CFAP20DC: variants seen among roughly 807,000 people sequenced by gnomAD.
CFAP20DC encodes the protein CFAP20 domain containing.
Under a neutral mutation model 101.7 loss-of-function variants are expected in CFAP20DC, and 84 were observed. The observed-to-expected ratio is 0.83, with a 90% confidence interval of 0.69 to 0.99. The LOEUF (loss-of-function observed/expected upper bound fraction) is 0.99, where lower values mean the gene tolerates loss of function less well. Ranked by LOEUF, CFAP20DC falls within the 50% of genes least tolerant of loss-of-function variation. CFAP20DC has a pLI of 0.00. For synonymous variants in CFAP20DC, 359 were observed against 351.2 expected (o/e 1.02, Z -0.25); for missense variants, 1,007 against 970.3 (o/e 1.04, Z -0.50).
At chr3:58,792,999 G>C (rs1368481489) in intron 15 of CFAP20DC, among the ~76,000 whole-genome samples, 1 of 152,120 alleles carries the variant, frequency 6.6e-6, no homozygotes, top group Non-Finnish European at 1.5e-5. Context: ...TTTTATAATA[G>C]ATGGTACCTT....
chr3:58,785,585 ACTAT>A (rs1355916460), intron 15 of CFAP20DC, among the ~76,000 whole-genome samples: 2 of 152,060 alleles, frequency 1.3e-5, no homozygotes, highest in Non-Finnish European at 2.9e-5. Flanking sequence ...CAGAAAAAAA[ACTAT>A]CTTTTTACCC....
intron 3 of CFAP20DC, among the ~76,000 whole-genome samples, chr3:58,723,359 T>A (rs186104220): frequency 6.6e-6 from 1 of 152,328 alleles, no homozygotes; most frequent in African/African-American, 2.4e-5. Flanking sequence ...ATTATACTTT[T>A]TAATGGAAAA....
At chr3:58,969,886 C>CT (rs954608030) in intron 4 of CFAP20DC, among the ~76,000 whole-genome samples, 8 of 152,036 alleles carry the variant, frequency 5.3e-5, no homozygotes, top group African/African-American at 1.9e-4. Flanking sequence ...AGAGTACCTG[C>CT]TAATGGGTAC....
chr3:58,841,495 G>C (rs1224168725), intron 13 of CFAP20DC, among the ~76,000 whole-genome samples: 10 of 152,156 alleles, frequency 6.6e-5, no homozygotes, highest in Admixed American at 5.9e-4. Flanking sequence ...TTAAAAATGT[G>C]ATGATATTCT....
chr3:59,034,267 C>G (rs2094051949), intron 4 of CFAP20DC, among the ~76,000 whole-genome samples: 1 of 152,178 alleles, frequency 6.6e-6, no homozygotes, highest in Non-Finnish European at 1.5e-5. Context: ...ATCATTGACA[C>G]TATGAAGAAA....
intron 5 of CFAP20DC, among the ~76,000 whole-genome samples, chr3:58,930,827 T>A (rs939890694): frequency 1.3e-5 from 2 of 152,140 alleles, no homozygotes; most frequent in Non-Finnish European, 2.9e-5. Flanking sequence ...GGTCTACAGC[T>A]CCCAGCGTGA....
At chr3:59,038,824 AG>A (rs1179812707) in intron 4 of CFAP20DC, among the ~76,000 whole-genome samples, 1 of 152,140 alleles carries the variant, frequency 6.6e-6, no homozygotes, top group Non-Finnish European at 1.5e-5. Context: ...TTCCTTAATA[AG>A]AAAAATCATT....
chr3:58,849,194 T>TGTTGTAG lies in CFAP20DC; in HGVS notation c.1802_1808dup (p.Cys604TyrfsTer57), dbSNP rs2078002992. On this transcript the variant is annotated frameshift_variant, in exon 13 of 17. Coordinates refer to ENST00000482387, the MANE Select transcript of CFAP20DC (RefSeq NM_001394063.1). LOFTEE classifies it high-confidence loss of function. ...ACCTTCTTCCAGTTGGAGAAAGGCA[T>TGTTGTAG]GTTGTAGGCAACAAACTCATTTCAA... The TGTTGTAG allele has an allele frequency of 3.3e-6, 5 of 1,536,146 alleles. No individual in the cohort carries two copies. The highest frequency in any genetic ancestry group is 4.4e-6 in the Non-Finnish European group (5 of 1,146,904).
At chr3:58,976,295 G>A (rs541857027) in intron 4 of CFAP20DC, among the ~76,000 whole-genome samples, 5 of 152,160 alleles carry the variant, frequency 3.3e-5, no homozygotes, top group Non-Finnish European at 7.4e-5. Flanking sequence ...AAGGTAGGTG[G>A]GGAAATAGCA....
At chr3:58,747,760 C>T (rs1300517261) in intron 16 of CFAP20DC, among the ~76,000 whole-genome samples, 1 of 152,122 alleles carries the variant, frequency 6.6e-6, no homozygotes, top group Non-Finnish European at 1.5e-5. Context: ...GCAAACTCTA[C>T]CACCAACATA....
chr3:58,806,570 G>T, intron 14 of CFAP20DC, 114 bp from the exon 15 acceptor site: 170 of 706,198 alleles, frequency 2.4e-4, no homozygotes, highest in Middle Eastern at 4.9e-4. Context: ...CACAAGAAGG[G>T]TATGGGTGGG....
At chr3:58,735,468 C>T (rs1031758574) in intron 3 of CFAP20DC, among the ~76,000 whole-genome samples, 8 of 152,206 alleles carry the variant, frequency 5.3e-5, no homozygotes, top group East Asian at 1.9e-4. Flanking sequence ...AACTCTCAAA[C>T]GTCACTGCTA....
chr3:58,870,834 G>A lies in CFAP20DC; in HGVS notation c.716-525C>T, dbSNP rs1409518939. On this transcript the variant is annotated intron_variant, in intron 7 of 16. Transcript: ENST00000482387. ...ACCCGGGAAGCGGAGCTTGCAGTGA[G>A]CCGAGATTGCGCCACTGCAGTCCGC... 3.0e-5 allele frequency among the ~76,000 whole-genome samples: 4 copies of A among 132,682 alleles called. No homozygotes were observed. The East Asian group carries it at 9.4e-4, about 31-fold the overall frequency. 87.0% of individuals were successfully genotyped at this position (132,682 alleles called of 152,430 possible).
intron 13 of CFAP20DC, among the ~76,000 whole-genome samples, chr3:58,834,247 T>A (rs112425095): frequency 6.6e-6 from 1 of 152,148 alleles, no homozygotes; most frequent in East Asian, 1.9e-4. Context: ...GATGTGCACA[T>A]GAGAATACCA....
At chr3:58,890,268 A>G (rs1468778952) in intron 6 of CFAP20DC, among the ~76,000 whole-genome samples, 36 of 105,884 alleles carry the variant, frequency 3.4e-4, no homozygotes, top group East Asian at 9.2e-4. Context: ...GGGCAGAGGC[A>G]CCCCTCACCT....
chr3:58,742,691 G>A (rs1341491384), intron 16 of CFAP20DC, 119 bp from the exon 17 acceptor site: 1 of 577,090 alleles, frequency 1.7e-6, no homozygotes, highest in Non-Finnish European at 2.9e-6. Flanking sequence ...GCAGGTAGAA[G>A]GTTTAGGCCT....
intron 6 of CFAP20DC, among the ~76,000 whole-genome samples, chr3:58,905,662 G>A (rs924480178): frequency 4.6e-5 from 7 of 152,150 alleles, no homozygotes; most frequent in Non-Finnish European, 1.0e-4. Context: ...AGCAGTTTAA[G>A]TAATCCAAGG....
intron 11 of CFAP20DC, among the ~76,000 whole-genome samples, chr3:58,865,869 T>C (rs959196996): frequency 1.3e-5 from 2 of 152,240 alleles, no homozygotes; most frequent in African/African-American, 4.8e-5. Context: ...ATTATCTCAC[T>C]GCCACATGCT....
chr3:58,991,375 T>C (rs571403821), intron 4 of CFAP20DC, among the ~76,000 whole-genome samples: 1 of 152,174 alleles, frequency 6.6e-6, no homozygotes, highest in Non-Finnish European at 1.5e-5. Flanking sequence ...AAACAGCATG[T>C]TCAATAAATA....
Sources: allele counts gnomAD v4.1 joint callset (sites outside exome capture counted in the v4.1 genomes callset), GRCh38; gene constraint gnomAD v4.1.1; transcripts MANE v1.5; gene names NCBI Gene and HGNC (gene_info 2026-07-23, HGNC 2026-07-21).